The following CDKAL1 variants were observed in gnomAD, a reference collection of about 807,000 sequenced individuals.
CDKAL1 encodes CDKAL1 threonylcarbamoyladenosine tRNA methylthiotransferase, also known as threonylcarbamoyladenosine tRNA methylthiotransferase.
In CDKAL1, 32 loss-of-function variants were observed where a neutral mutation model predicts 68.2. The observed-to-expected ratio is 0.47, with a 90% confidence interval of 0.35 to 0.63. The LOEUF is 0.63. Among genes scored for constraint, CDKAL1 ranks in the 30% least tolerant of loss-of-function variants. CDKAL1 has a pLI of 0.00. For missense variants in CDKAL1, 606 were observed against 696.7 expected, an observed-to-expected ratio of 0.87 and a Z score of 1.47; for synonymous variants, 234 against 244.3, an observed-to-expected ratio of 0.96 and a Z score of 0.39.
At chr6:21,166,713 TG>T (rs1365306156) in intron 13 of CDKAL1, among the ~76,000 whole-genome samples, 1 of 152,068 alleles carries the variant, frequency 6.6e-6, no homozygotes, top group Non-Finnish European at 1.5e-5. Flanking sequence ...AAAAGGAAAA[TG>T]TTTTACCTGC....
At chr6:21,126,132 A>C (rs1248204788) in intron 13 of CDKAL1, among the ~76,000 whole-genome samples, 1 of 151,010 alleles carries the variant, frequency 6.6e-6, no homozygotes, top group Non-Finnish European at 1.5e-5. Context: ...AATTAAAATC[A>C]TGTGTGGACA....
chr6:20,953,100 T>C (rs971033353), intron 9 of CDKAL1, among the ~76,000 whole-genome samples: 25 of 152,246 alleles, frequency 1.6e-4, no homozygotes, highest in Admixed American at 3.9e-4. Context: ...GTTGCTATTA[T>C]ATAGAGTATT....
chr6:20,801,738 G>A (rs968678648), intron 8 of CDKAL1, among the ~76,000 whole-genome samples: 3 of 151,952 alleles, frequency 2.0e-5, no homozygotes, highest in African/African-American at 4.8e-5. Flanking sequence ...ACATAATTTC[G>A]CAATGGAAAT....
At chr6:21,154,339 T>A (rs1036387988) in intron 13 of CDKAL1, among the ~76,000 whole-genome samples, 2 of 152,220 alleles carry the variant, frequency 1.3e-5, no homozygotes, top group East Asian at 3.8e-4. Flanking sequence ...CCAGTACCCC[T>A]AATTTCTAGC....
chr6:20,631,143 C>T (rs922302466), intron 4 of CDKAL1, among the ~76,000 whole-genome samples: 2 of 152,144 alleles, frequency 1.3e-5, no homozygotes, highest in Non-Finnish European at 2.9e-5. Context: ...GTAAACACTC[C>T]TCTTTTGAAG....
chr6:21,186,330 G>C (rs1394760210), intron 13 of CDKAL1, among the ~76,000 whole-genome samples: 3 of 151,580 alleles, frequency 2.0e-5, no homozygotes, highest in South Asian at 2.1e-4. Context: ...TTTGGGGAAT[G>C]GGGGGGAATG....
At chr6:20,826,254 C>G (rs1213890509) in intron 8 of CDKAL1, among the ~76,000 whole-genome samples, 1 of 152,150 alleles carries the variant, frequency 6.6e-6, no homozygotes, top group Non-Finnish European at 1.5e-5. Context: ...GGGGAGCCCA[C>G]TTAAAAATAC....
At chr6:21,031,571 A>G (rs1441306107) in intron 11 of CDKAL1, among the ~76,000 whole-genome samples, 1 of 151,726 alleles carries the variant, frequency 6.6e-6, no homozygotes, top group Non-Finnish European at 1.5e-5. Context: ...ACACTGGTTT[A>G]TGGTTTATCT....
chr6:21,147,070 G>C (rs1776209727), intron 13 of CDKAL1, among the ~76,000 whole-genome samples: 1 of 152,134 alleles, frequency 6.6e-6, no homozygotes, highest in Non-Finnish European at 1.5e-5. Context: ...GCACAGGCAG[G>C]GGATTGACTG....
At chr6:20,992,487 G>T (rs576342833) in intron 10 of CDKAL1, among the ~76,000 whole-genome samples, 1 of 152,288 alleles carries the variant, frequency 6.6e-6, no homozygotes, top group South Asian at 2.1e-4. Context: ...AAATGTGGGT[G>T]AAACTTGCTT....
chr6:20,833,212 AG>A, intron 8 of CDKAL1, among the ~76,000 whole-genome samples: 1 of 152,232 alleles, frequency 6.6e-6, no homozygotes, highest in African/African-American at 2.4e-5. Context: ...TTCCAGCGTT[AG>A]TTTTTTGTGA....
At chr6:20,660,309 C>A (rs984617575) in intron 5 of CDKAL1, among the ~76,000 whole-genome samples, 1 of 152,040 alleles carries the variant, frequency 6.6e-6, no homozygotes, top group Non-Finnish European at 1.5e-5. Flanking sequence ...TTTTATGAAG[C>A]CTTTGACGCT....
At chr6:20,897,229 G>A (rs1159313990) in intron 9 of CDKAL1, among the ~76,000 whole-genome samples, 4 of 152,118 alleles carry the variant, frequency 2.6e-5, no homozygotes, top group African/African-American at 9.7e-5. Flanking sequence ...CACCCAAAAG[G>A]CCCTTTAATT....
At chr6:21,158,540 G>A (rs1278098067) in intron 13 of CDKAL1, among the ~76,000 whole-genome samples, 1 of 152,188 alleles carries the variant, frequency 6.6e-6, no homozygotes, top group Admixed American at 6.5e-5. Context: ...TAACCTCCTT[G>A]CTAAAGCTGG....
rs1398668894 is a variant in CDKAL1, at chr6:20,539,769, A to T, written c.-6+4375A>T. The stretch of plus-strand genomic sequence containing the variant: ...TTTTGGCTTTTTACTCTGATATGGA[A>T]TACCACTGGAAGGGTTTGATTGAGA... On this transcript the variant is annotated intron_variant, in intron 2 of 15. Coordinates refer to ENST00000274695, the MANE Select transcript of CDKAL1 (RefSeq NM_017774.3). This position sits in a 1 kb window ranked among gnomAD's most constrained non-coding sequence, Gnocchi z 4.3. 6.6e-6 allele frequency among the ~76,000 whole-genome samples: 1 copy of T among 152,186 alleles called. No individual in the cohort carries two copies. The highest frequency in any genetic ancestry group is 1.5e-5 in the Non-Finnish European group (1 of 68,030).
intron 15 of CDKAL1, among the ~76,000 whole-genome samples, chr6:21,219,547 T>C (rs1779459850): frequency 1.3e-5 from 2 of 152,258 alleles, no homozygotes; most frequent in Admixed American, 1.3e-4. Flanking sequence ...AAAACTATCA[T>C]GGTGATATGT....
chr6:21,063,901 A>G (rs902550323), intron 11 of CDKAL1, among the ~76,000 whole-genome samples: 1 of 152,104 alleles, frequency 6.6e-6, no homozygotes, highest in African/African-American at 2.4e-5. Flanking sequence ...TCCTCAACCT[A>G]AAGCCCATGA....
At chr6:20,666,738 T>A (rs1318508475) in intron 5 of CDKAL1, among the ~76,000 whole-genome samples, 1 of 151,894 alleles carries the variant, frequency 6.6e-6, no homozygotes, top group Non-Finnish European at 1.5e-5. Flanking sequence ...CATTACCTTT[T>A]ATTGAACTGT....
At chr6:20,976,318 TAAGTG>T (rs1765844051) in intron 10 of CDKAL1, among the ~76,000 whole-genome samples, 1 of 152,184 alleles carries the variant, frequency 6.6e-6, no homozygotes, top group Non-Finnish European at 1.5e-5. Context: ...TATTCTTTGT[TAAGTG>T]AAGTGATGTT....
Sources: gnomAD v4.1 joint callset for allele counts (sites outside exome capture counted in the v4.1 genomes callset) on GRCh38, gnomAD v4.1.1 for gene constraint, Gnocchi (gnomAD v3.1) non-coding constraint, MANE v1.5 for transcripts, NCBI Gene and HGNC (gene_info 2026-07-23, HGNC 2026-07-21) for gene names.